The following DZIP1 variants were observed in gnomAD, a reference collection of about 807,000 sequenced individuals.
DZIP1 encodes DAZ interacting zinc finger protein 1.
In DZIP1, 97 loss-of-function variants were observed where a neutral mutation model predicts 107.6. The observed-to-expected ratio is 0.90, with a 90% CI of 0.77 to 1.07. The LOEUF (loss-of-function observed/expected upper bound fraction) is 1.07, where lower values mean the gene tolerates loss of function less well. Among genes scored for constraint, DZIP1 ranks in the 50% least tolerant of loss-of-function variants. DZIP1 has a pLI of 0.00. For synonymous variants in DZIP1, 390 were observed against 386.4 expected (o/e 1.01, Z -0.11); for missense variants, 1,035 against 1,063.6 (o/e 0.97, Z 0.37).
chr13:95,638,699 T>C (rs1037648265), intron 5 of DZIP1, among the ~76,000 whole-genome samples: 18 of 151,580 alleles, frequency 1.2e-4, no homozygotes, highest in African/African-American at 4.4e-4. Flanking sequence ...TTAGGATGCG[T>C]GCGTGTGTGT....
intron 14 of DZIP1, among the ~76,000 whole-genome samples, chr13:95,604,021 G>C (rs2044698644): frequency 6.6e-6 from 1 of 152,202 alleles, no homozygotes; most frequent in African/African-American, 2.4e-5. Flanking sequence ...TGCCTCAGTG[G>C]AGGACAAGCC....
rs771713179 is a variant in DZIP1 at position 95,624,923 on chromosome 13, C to T, written c.817G>A (p.Glu273Lys). Residue 273 changes from glutamate to lysine, a missense_variant, in exon 8 of 23, where the codon GAA becomes AAA. Transcript: ENST00000376829. ...TCTTCCTCTTTTGTTTTCTGCATTT[C>T]ATATTCCTGAAATTATTTTAATACA... ...ASAVRFSKEY[E>K]MQKTKEEDFL... The T allele has an allele frequency of 1.9e-6, 3 of 1,595,490 alleles. No individual in the cohort carries two copies. The highest frequency in any genetic ancestry group is 2.6e-6 in the Non-Finnish European group (3 of 1,174,560).
At chr13:95,631,932 C>T (rs1164271896) in intron 6 of DZIP1, among the ~76,000 whole-genome samples, 1 of 152,116 alleles carries the variant, frequency 6.6e-6, no homozygotes, top group Non-Finnish European at 1.5e-5. Flanking sequence ...TGACAACAGC[C>T]GTCCATTGTC....
chr13:95,582,277 C>A lies in DZIP1; in HGVS notation c.2561G>T (p.Ser854Ile), dbSNP rs1164591529. Residue 854 changes from serine to isoleucine, a missense_variant, in exon 23 of 23, where the codon AGC becomes ATC. Coordinates refer to ENST00000376829, the MANE Select transcript of DZIP1 (RefSeq NM_198968.4). Reference sequence around the variant, plus strand: ...GCTCCAATCAGTCACAGTTACTAAGCTGCTTTTTAATGTGCTTGATTCATT... The same window carrying A: ...GCTCCAATCAGTCACAGTTACTAAGATGCTTTTTAATGTGCTTGATTCATT... Reference protein sequence around the residue: ...QENESSTLKSSLVTVTDWSDT... With the variant: ...QENESSTLKSILVTVTDWSDT... 1 of 1,614,040 alleles carries A rather than the reference C, an allele frequency of 6.2e-7. No individual in the cohort carries two copies. Among genetic ancestry groups the A allele is most frequent in the African/African-American group, 1.3e-5 (1 of 74,936 alleles).
At chr13:95,640,672 A>T (rs531450385) in intron 5 of DZIP1, among the ~76,000 whole-genome samples, 1 of 152,366 alleles carries the variant, frequency 6.6e-6, no homozygotes, top group South Asian at 2.1e-4. Flanking sequence ...AGAAGATAAA[A>T]ATATTTTATT....
chr13:95,629,820 A>G (rs1379677524), intron 7 of DZIP1, among the ~76,000 whole-genome samples, 169 bp downstream of exon 7: 2 of 152,240 alleles, frequency 1.3e-5, no homozygotes, highest in Admixed American at 1.3e-4. Flanking sequence ...ATATATTTCC[A>G]GTGATGTGCT....
rs371249353 is a variant in DZIP1 at position 95,589,154 on chromosome 13, G to C, written c.2027C>G (p.Thr676Arg). 1 of 1,605,208 alleles carries C rather than the reference G, an allele frequency of 6.2e-7. No homozygotes were observed. The highest frequency in any genetic ancestry group is 1.1e-5 in the South Asian group (1 of 88,534). ...DPFPRKSSTITTPPFSSEEEQ... is the reference protein window; with the variant it reads ...DPFPRKSSTIRTPPFSSEEEQ... ...CCCTCCCATCCCTGTCAATACTCACGTAATAGTTGAAGACTTTCTGGGAAA... is the reference window on the plus strand; with the variant it reads ...CCCTCCCATCCCTGTCAATACTCACCTAATAGTTGAAGACTTTCTGGGAAA... Residue 676 changes from threonine to arginine, a missense_variant and splice_region_variant, in exon 19 of 23, where the codon ACG (threonine) becomes AGG (arginine). By Grantham distance (71) the Thr-to-Arg change is moderately conservative. Coordinates refer to ENST00000376829, the MANE Select transcript of DZIP1 (RefSeq NM_198968.4).
intron 21 of DZIP1, 23 bp downstream of exon 21, chr13:95,585,983 C>T (rs775852879): frequency 6.3e-7 from 1 of 1,575,660 alleles, no homozygotes; most frequent in Admixed American, 1.9e-5. Flanking sequence ...TTATGTATAT[C>T]TAGCAAGTAA....
rs767593491 is a variant in DZIP1 at position 95,619,867 on chromosome 13, C to T, written c.1173+18G>A. On this transcript the variant is annotated intron_variant, in intron 10 of 22. Coordinates refer to ENST00000376829, the MANE Select transcript of DZIP1 (RefSeq NM_198968.4). ...TTAAAAAATGGCCCACTTTAGGCCA[C>T]TGGTTTCTTAACCTTACCCGACCCT... The T allele has an allele frequency of 3.1e-6, 5 of 1,612,862 alleles. No homozygotes were observed. In the South Asian group the frequency reaches 3.3e-5, roughly 11 times the overall value.
At chr13:95,586,400 A>C (rs1265370752) in intron 20 of DZIP1, among the ~76,000 whole-genome samples, 3 of 152,140 alleles carry the variant, frequency 2.0e-5, no homozygotes, top group Non-Finnish European at 4.4e-5. Context: ...AGGTCTTGCT[A>C]TGCTGCCTAG....
At chr13:95,596,804 A>T (rs2044469154) in intron 15 of DZIP1, among the ~76,000 whole-genome samples, 1 of 152,244 alleles carries the variant, frequency 6.6e-6, no homozygotes, top group Non-Finnish European at 1.5e-5. Flanking sequence ...TAAAAGCCAC[A>T]GTGTTTTTGC....
intron 22 of DZIP1, among the ~76,000 whole-genome samples, chr13:95,582,554 A>G (rs1398531123): frequency 6.6e-6 from 1 of 152,170 alleles, no homozygotes; most frequent in Admixed American, 6.5e-5. Flanking sequence ...TCTGCCCTGC[A>G]GCCTACAAAC....
At chr13:95,589,738 T>G in intron 18 of DZIP1, 65 bp downstream of exon 18, 1 of 1,554,324 alleles carries the variant, frequency 6.4e-7, no homozygotes, top group Non-Finnish European at 8.6e-7. Context: ...TCTATGGTAT[T>G]TTGTTAAAGC....
chr13:95,609,831 G>C (rs980747707), intron 12 of DZIP1, among the ~76,000 whole-genome samples: 1 of 152,086 alleles, frequency 6.6e-6, no homozygotes, highest in African/African-American at 2.4e-5. Context: ...CAAAACAAGA[G>C]GGAGGAAACC....
In DZIP1 at chr13:95,643,026, A is replaced by C. The variant is rs1347809878; in HGVS notation, c.-213+17T>G. The C allele has an allele frequency of 6.6e-6, 1 of 152,208 alleles. No individual in the cohort carries two copies. Among genetic ancestry groups the C allele is most frequent in the Non-Finnish European group, 1.5e-5 (1 of 68,046 alleles). The allele number at this position is 152,208 out of a possible 1,614,324, so 9.4% of individuals were successfully genotyped here. A position where few individuals can be genotyped will look rare whatever the true frequency, so the allele number is the denominator to read the frequency against. On this transcript the variant is annotated intron_variant, in intron 3 of 22. Coordinates refer to ENST00000376829, the MANE Select transcript of DZIP1 (RefSeq NM_198968.4). ...CATCAGCTTTACCAACAAGTTTTAC[A>C]GGGCCATGGTATTTACCTTACAAAC...
intron 10 of DZIP1, among the ~76,000 whole-genome samples, chr13:95,612,848 G>A (rs181877014): frequency 1.2e-3 from 181 of 152,250 alleles, no homozygotes; most frequent in Middle Eastern, 0.01. Flanking sequence ...GCCTCTCAAA[G>A]TGTTGGGATT....
chr13:95,637,272 A>G (rs1466130362), intron 5 of DZIP1: 1 of 152,232 alleles, frequency 6.6e-6, no homozygotes, highest in Non-Finnish European at 1.5e-5. Context: ...AAACCAATGA[A>G]AAAAACAAGT....
chr13:95,579,255 T>C lies in DZIP1; in HGVS notation c.*2979A>G, dbSNP rs1308026650. ...ACCTGTTTACGGCTAACTGGATAACTGAGAGACTTGTCATTTCTAAAGACA... is the reference window on the plus strand; with the variant it reads ...ACCTGTTTACGGCTAACTGGATAACCGAGAGACTTGTCATTTCTAAAGACA... On this transcript the variant is annotated 3_prime_UTR_variant, in exon 23 of 23. Coordinates refer to ENST00000376829, the MANE Select transcript of DZIP1 (RefSeq NM_198968.4). 6.6e-6 allele frequency: 1 copy of C among 152,234 alleles called. No individual in the cohort carries two copies. 9.4% of individuals were successfully genotyped at this position (152,234 alleles called of 1,614,324 possible).
chr13:95,589,637 C>A (rs1391857441), intron 18 of DZIP1, among the ~76,000 whole-genome samples, 166 bp downstream of exon 18: 1 of 152,218 alleles, frequency 6.6e-6, no homozygotes, highest in Non-Finnish European at 1.5e-5. Flanking sequence ...AGGCAGACAG[C>A]CTTCACCGGA....
Sources: gnomAD v4.1 joint callset for allele counts (sites outside exome capture counted in the v4.1 genomes callset) on GRCh38, gnomAD v4.1.1 for gene constraint, MANE v1.5 for transcripts, NCBI Gene and HGNC (gene_info 2026-07-23, HGNC 2026-07-21) for gene names.